Variants in DNAH7 observed in about 807,000 individuals in gnomAD.
DNAH7 encodes the protein axonemal beta dynein heavy chain 7.
DNAH7 carries 397 observed loss-of-function variants against 444.6 expected under a neutral mutation model. The observed-to-expected ratio is 0.89, with a 90% CI of 0.82 to 0.97. DNAH7 has a LOEUF of 0.97. DNAH7 is among the 50% of genes least tolerant of loss of function. DNAH7 has a pLI of 0.00. For synonymous variants in DNAH7, 1,636 were observed against 1,624.4 expected, an observed-to-expected ratio of 1.01 and a Z score of -0.17; for missense variants, 4,902 against 4,800.8, an observed-to-expected ratio of 1.02 and a Z score of -0.62.
intron 19 of DNAH7, among the ~76,000 whole-genome samples, chr2:195,955,876 GA>G (rs1198617013): frequency 2.6e-5 from 4 of 151,990 alleles, no homozygotes; most frequent in African/African-American, 9.7e-5. Flanking sequence ...CTGTTGTAAG[GA>G]AACTATATAT....
At chr2:195,817,088 C>T in intron 50 of DNAH7, 125 bp from the exon 51 acceptor site, 1 of 700,612 alleles carries the variant, frequency 1.4e-6, no homozygotes, top group Non-Finnish European at 2.3e-6. Context: ...TGACAAATAT[C>T]TGTAATGGTG....
At chr2:196,000,607 C>G in intron 12 of DNAH7, 97 bp downstream of exon 12, 5 of 1,032,928 alleles carry the variant, frequency 4.8e-6, no homozygotes, top group Middle Eastern at 4.7e-4. Flanking sequence ...TTATTATATT[C>G]TGTGAAGCAG....
At chr2:195,882,136 G>T in intron 35 of DNAH7, 144 bp from the exon 36 acceptor site, 1 of 633,916 alleles carries the variant, frequency 1.6e-6, no homozygotes, top group Non-Finnish European at 2.7e-6. Flanking sequence ...TTTACACTCA[G>T]TTTGAAGGTT....
intron 5 of DNAH7, among the ~76,000 whole-genome samples, chr2:196,031,611 T>C (rs1030599334): frequency 6.6e-6 from 1 of 152,146 alleles, no homozygotes; most frequent in African/African-American, 2.4e-5. Context: ...TGCCTAGAAG[T>C]TTCTTCCACC....
intron 10 of DNAH7, 44 bp downstream of exon 10, chr2:196,012,743 A>G: frequency 6.3e-7 from 1 of 1,587,642 alleles, no homozygotes; most frequent in South Asian, 1.2e-5. Flanking sequence ...CCACAATCAT[A>G]TTTTTAAACT....
chr2:195,949,969 A>G (rs1690109238), intron 19 of DNAH7, among the ~76,000 whole-genome samples: 1 of 152,192 alleles, frequency 6.6e-6, no homozygotes, highest in East Asian at 1.9e-4. Context: ...ATCATGCTGG[A>G]TAAGCTTTTT....
intron 12 of DNAH7, chr2:195,998,785 T>C (rs866307948): frequency 4.2e-6 from 1 of 239,698 alleles, no homozygotes. Flanking sequence ...TTCATGGTAG[T>C]ATGAGGAATA....
intron 10 of DNAH7, among the ~76,000 whole-genome samples, chr2:196,009,711 A>G (rs1694613013): frequency 6.6e-6 from 1 of 152,200 alleles, no homozygotes; most frequent in Admixed American, 6.5e-5. Context: ...AAACTAGACA[A>G]AGTAGAGAGA....
chr2:196,001,983 T>C, intron 10 of DNAH7, 125 bp from the exon 11 acceptor site: 1 of 622,870 alleles, frequency 1.6e-6, no homozygotes, highest in Non-Finnish European at 2.5e-6. Flanking sequence ...CTAAATGATA[T>C]TACCCACTCT....
At chr2:195,839,085 C>T (rs1266173608) in intron 47 of DNAH7, among the ~76,000 whole-genome samples, 3 of 151,592 alleles carry the variant, frequency 2.0e-5, no homozygotes, top group Non-Finnish European at 3.0e-5. Context: ...TTTCCAAGTG[C>T]ACATGGAACA....
chr2:195,943,282 A>C (rs1689587217), intron 19 of DNAH7, among the ~76,000 whole-genome samples: 1 of 152,190 alleles, frequency 6.6e-6, no homozygotes, highest in Admixed American at 6.6e-5. Context: ...AATATAAGCC[A>C]ATTCACTTTG....
intron 59 of DNAH7, among the ~76,000 whole-genome samples, chr2:195,777,213 T>C (rs1438513599): frequency 1.3e-5 from 2 of 152,112 alleles, no homozygotes; most frequent in Non-Finnish European, 2.9e-5. Flanking sequence ...AGAAATCCAC[T>C]GTGATCATCA....
intron 9 of DNAH7, among the ~76,000 whole-genome samples, chr2:196,017,041 C>T (rs894762789): frequency 6.6e-6 from 1 of 152,056 alleles, no homozygotes; most frequent in African/African-American, 2.4e-5. Flanking sequence ...GAGTCTTGCT[C>T]TGTCACCCAA....
intron 12 of DNAH7, among the ~76,000 whole-genome samples, chr2:195,997,987 C>T (rs1310217465): frequency 6.6e-6 from 1 of 152,118 alleles, no homozygotes; most frequent in Non-Finnish European, 1.5e-5. Flanking sequence ...GCAATTTACT[C>T]ATGTAACGAA....
chr2:195,964,082 G>A (rs1373461434), intron 17 of DNAH7, among the ~76,000 whole-genome samples: 1 of 152,076 alleles, frequency 6.6e-6, no homozygotes, highest in Non-Finnish European at 1.5e-5. Flanking sequence ...AGATAGCTTT[G>A]GCTATTCTAA....
intron 15 of DNAH7, among the ~76,000 whole-genome samples, chr2:195,973,123 G>A (rs1170245044): frequency 6.6e-6 from 1 of 152,206 alleles, no homozygotes; most frequent in Non-Finnish European, 1.5e-5. Flanking sequence ...GAAGGAGCAA[G>A]GGTAAGGGGC....
At chr2:196,060,997 T>G (rs993018098) in intron 1 of DNAH7, among the ~76,000 whole-genome samples, 1 of 152,224 alleles carries the variant, frequency 6.6e-6, no homozygotes, top group African/African-American at 2.4e-5. Context: ...TATACATTTA[T>G]GGTATACAAT....
At chr2:195,942,525 G>A (rs973153275) in intron 19 of DNAH7, among the ~76,000 whole-genome samples, 1 of 152,026 alleles carries the variant, frequency 6.6e-6, no homozygotes, top group Non-Finnish European at 1.5e-5. Flanking sequence ...AATAGAGTAA[G>A]TACAGTGAAA....
intron 56 of DNAH7, among the ~76,000 whole-genome samples, chr2:195,794,977 T>G (rs1203831832): frequency 1.3e-5 from 2 of 152,214 alleles, no homozygotes. Context: ...CAGGGACAGA[T>G]TTCTCTCTTA....
Sources: allele counts gnomAD v4.1 joint callset (sites outside exome capture counted in the v4.1 genomes callset), GRCh38; gene constraint gnomAD v4.1.1; transcripts MANE v1.5; gene names NCBI Gene and HGNC (gene_info 2026-07-23, HGNC 2026-07-21).